Variants in ZFAND3 observed in about 807,000 individuals in gnomAD.
ZFAND3 encodes the protein zinc finger AN1-type containing 3, also known as AN1-type zinc finger protein 3.
A neutral mutation model predicts 29.6 loss-of-function variants in ZFAND3; 10 were observed. The observed-to-expected ratio is 0.34, with a 90% CI of 0.21 to 0.57. ZFAND3 has a LOEUF of 0.57. ZFAND3 is among the 20% of genes least tolerant of loss of function. The probability of loss-of-function intolerance (pLI) is 0.86; values close to 1 mark genes in which losing one functional copy is unlikely to be tolerated. For synonymous variants in ZFAND3, 128 were observed against 112.6 expected, an observed-to-expected ratio of 1.14 and a Z score of -0.87; for missense variants, 230 against 304.5, an observed-to-expected ratio of 0.76 and a Z score of 1.82.
chr6:37,841,533 G>C (rs1278446358), intron 1 of ZFAND3, among the ~76,000 whole-genome samples: 1 of 152,296 alleles, frequency 6.6e-6, no homozygotes, highest in Admixed American at 6.5e-5. Flanking sequence ...GCCCAGGCTG[G>C]AGTGCGGTGG....
chr6:37,949,108 C>T (rs146430447), intron 2 of ZFAND3, among the ~76,000 whole-genome samples: 271 of 152,306 alleles, frequency 1.8e-3, no homozygotes, highest in Non-Finnish European at 2.1e-3. Context: ...CTTTTCTCTG[C>T]ACCCTCACCA....
intron 1 of ZFAND3, among the ~76,000 whole-genome samples, chr6:37,836,459 G>A (rs1286991916): frequency 1.3e-5 from 2 of 152,138 alleles, no homozygotes; most frequent in African/African-American, 2.4e-5. Context: ...CAAAGGAGGT[G>A]ATATTTCAAT....
At position 38,003,832 on chromosome 6, in the gene ZFAND3, G is replaced by A. The variant is rs367548610; in HGVS notation, c.113-57761G>A. The A allele has an allele frequency of 2.6e-4, 119 of 450,936 alleles. 1 individual carries two copies. The highest frequency in any genetic ancestry group is 1.2e-3 in the South Asian group (79 of 64,140). 27.9% of individuals were successfully genotyped at this position (450,936 alleles called of 1,614,324 possible). A position where few individuals can be genotyped will look rare whatever the true frequency, so the allele number is the denominator to read the frequency against. ...GTCCAGAATCTTAACATTGCTATTT[G>A]TATATCTTTTTCCTTCTGCCTTCAG... On this transcript the variant is annotated intron_variant, in intron 2 of 5. Coordinates refer to ENST00000287218, the MANE Select transcript of ZFAND3 (RefSeq NM_021943.3).
chr6:38,100,958 A>G (rs1765080952), intron 4 of ZFAND3, among the ~76,000 whole-genome samples: 1 of 152,230 alleles, frequency 6.6e-6, no homozygotes, highest in South Asian at 2.1e-4. Flanking sequence ...CCAAAACTTC[A>G]GTGTGTAATT....
At position 37,908,542 on chromosome 6, in the gene ZFAND3, TAAA is replaced by T. The variant is rs70981504; in HGVS notation, c.72-21402_72-21400del. 4.4e-3 allele frequency among the ~76,000 whole-genome samples: 546 copies of T among 124,158 alleles called. 3 individuals are homozygous for T. Among genetic ancestry groups the T allele is most frequent in the African/African-American group, 0.014 (496 of 34,946 alleles). 81.5% of individuals were successfully genotyped at this position (124,158 alleles called of 152,430 possible). A position where few individuals can be genotyped will look rare whatever the true frequency, so the allele number is the denominator to read the frequency against. ...TTAAAGTATAATTAAAAAAAAAAAT[TAAA>T]AAAAAAAAAAAAAAGAAAAAAAAGA... On this transcript the variant is annotated intron_variant, in intron 1 of 5. Transcript: ENST00000287218.
chr6:37,952,223 T>C (rs754990818), intron 2 of ZFAND3, among the ~76,000 whole-genome samples: 1 of 152,176 alleles, frequency 6.6e-6, no homozygotes, highest in African/African-American at 2.4e-5. Context: ...TCATAGAATC[T>C]GTTAGGGAAG....
chr6:38,118,764 G>GA (rs60723647), intron 5 of ZFAND3, among the ~76,000 whole-genome samples: 61,240 of 139,418 alleles, frequency 0.44, 13,845 homozygotes, highest in Non-Finnish European at 0.54. Flanking sequence ...TGAAAAAAAA[G>GA]AAAAAAAAAA....
At chr6:37,876,758 A>G (rs1400951621) in intron 1 of ZFAND3, among the ~76,000 whole-genome samples, 3 of 152,182 alleles carry the variant, frequency 2.0e-5, no homozygotes, top group Admixed American at 2.0e-4. Flanking sequence ...TTTTGCATAT[A>G]TTGATAGGAA....
At chr6:38,050,307 G>T (rs1167714357) in intron 2 of ZFAND3, among the ~76,000 whole-genome samples, 1 of 151,860 alleles carries the variant, frequency 6.6e-6, no homozygotes, top group Non-Finnish European at 1.5e-5. Context: ...ATGGAGTTTT[G>T]AGATGTTACC....
chr6:38,144,213 T>TATATATATA (rs1766046251), intron 5 of ZFAND3, among the ~76,000 whole-genome samples: 2 of 55,360 alleles, frequency 3.6e-5, no homozygotes, highest in African/African-American at 2.5e-4. Context: ...ATATATATAA[T>TATATATATA]ATATAATATA....
chr6:38,095,985 A>G (rs920110955), intron 4 of ZFAND3, among the ~76,000 whole-genome samples: 4 of 151,900 alleles, frequency 2.6e-5, no homozygotes, highest in Non-Finnish European at 4.4e-5. Context: ...GCGAGCCATG[A>G]TTGCACCACT....
chr6:37,877,780 T>A (rs1036797737), intron 1 of ZFAND3, among the ~76,000 whole-genome samples: 1 of 152,214 alleles, frequency 6.6e-6, no homozygotes. Flanking sequence ...TTCTGGGAAC[T>A]ACTGATATTG....
intron 2 of ZFAND3, among the ~76,000 whole-genome samples, chr6:37,952,613 C>G (rs1218754328): frequency 1.3e-5 from 2 of 152,094 alleles, no homozygotes; most frequent in African/African-American, 4.8e-5. Flanking sequence ...GGTCCCATTT[C>G]TGCCACTTCT....
intron 2 of ZFAND3, among the ~76,000 whole-genome samples, chr6:38,039,212 G>A (rs59810748): frequency 0.062 from 9,377 of 152,178 alleles, 373 homozygotes; most frequent in Non-Finnish European, 0.092. Flanking sequence ...CTTAAAATCT[G>A]CTTCCTTACT....
In ZFAND3 at chr6:37,972,898, C is replaced by T. The variant is rs147863083; in HGVS notation, c.112+42899C>T. On this transcript the variant is annotated intron_variant, in intron 2 of 5. Transcript: ENST00000287218. The stretch of plus-strand genomic sequence containing the variant: ...ATATATGGCTTTAGTGAAGATTCCA[C>T]TTAACTGAAAGTAGACCTGAATTAT... Among the ~76,000 whole-genome samples the T allele has an allele frequency of 2.9e-3, 441 of 152,212 alleles. 5 individuals carry two copies. Among genetic ancestry groups the T allele is most frequent in the African/African-American group, 9.7e-3 (402 of 41,516 alleles).
chr6:38,132,207 A>G (rs1429142650), intron 5 of ZFAND3, among the ~76,000 whole-genome samples: 3 of 152,152 alleles, frequency 2.0e-5, no homozygotes, highest in African/African-American at 7.2e-5. Flanking sequence ...TAGTACTTGG[A>G]CATGAATAAG....
intron 2 of ZFAND3, among the ~76,000 whole-genome samples, chr6:37,976,057 C>G (rs774430840): frequency 2.0e-5 from 3 of 152,028 alleles, no homozygotes; most frequent in Admixed American, 6.6e-5. Flanking sequence ...AGCAAAATTT[C>G]ATATTTTTTG....
At chr6:37,975,181 T>C (rs1164185272) in intron 2 of ZFAND3, among the ~76,000 whole-genome samples, 1 of 152,218 alleles carries the variant, frequency 6.6e-6, no homozygotes, top group African/African-American at 2.4e-5. Context: ...TTAGACCTTC[T>C]AATAGGTGTG....
chr6:38,006,912 G>A (rs1763060794), intron 2 of ZFAND3, among the ~76,000 whole-genome samples: 1 of 152,104 alleles, frequency 6.6e-6, no homozygotes, highest in Non-Finnish European at 1.5e-5. Context: ...AGGGCCACAA[G>A]TGGTTCCAAG....
Sources: gnomAD v4.1 joint callset for allele counts (sites outside exome capture counted in the v4.1 genomes callset) on GRCh38, gnomAD v4.1.1 for gene constraint, MANE v1.5 for transcripts, NCBI Gene and HGNC (gene_info 2026-07-23, HGNC 2026-07-21) for gene names.